Variants in GPC5 observed in about 807,000 individuals in gnomAD.
GPC5 encodes the protein glypican-5.
In GPC5, 47 loss-of-function variants were observed where a neutral mutation model predicts 53.9. The observed-to-expected ratio is 0.87, with a 90% CI of 0.69 to 1.11. The LOEUF (loss-of-function observed/expected upper bound fraction) is 1.11, where lower values mean the gene tolerates loss of function less well. Among genes scored for constraint, GPC5 ranks in the 50% most tolerant of loss-of-function variants. The pLI, the probability that GPC5 is intolerant of heterozygous loss-of-function variation, is 0.00. For synonymous variants in GPC5, 286 were observed against 263.3 expected (o/e 1.09, Z -0.84); for missense variants, 748 against 713.1 (o/e 1.05, Z -0.56).
At chr13:91,661,860 T>C (rs2034994829) in intron 2 of GPC5, among the ~76,000 whole-genome samples, 1 of 152,142 alleles carries the variant, frequency 6.6e-6, no homozygotes, top group Non-Finnish European at 1.5e-5. Flanking sequence ...TTCAGGGCCC[T>C]GTGGGACTTT....
chr13:91,557,660 A>T (rs2031033148), intron 2 of GPC5, among the ~76,000 whole-genome samples: 1 of 152,140 alleles, frequency 6.6e-6, no homozygotes, highest in Admixed American at 6.6e-5. Context: ...CATTCCCAGT[A>T]TGTCACAGAA....
chr13:92,495,048 A>C lies in GPC5; in HGVS notation c.1561+350059A>C, dbSNP rs540137148. Reference sequence around the variant, plus strand: ...AAGAGTCCACTTAGTTCTTGTTTGCAGGAAGTAAAATTTCTTGGTTATTGT... The same window carrying C: ...AAGAGTCCACTTAGTTCTTGTTTGCCGGAAGTAAAATTTCTTGGTTATTGT... On this transcript the variant is annotated intron_variant, in intron 7 of 7. Coordinates refer to ENST00000377067, the MANE Select transcript of GPC5 (RefSeq NM_004466.6). Among the ~76,000 whole-genome samples the C allele has an allele frequency of 4.6e-5, 7 of 152,278 alleles. No homozygotes were observed. The East Asian group carries it at 1.3e-3, about 29-fold the overall frequency.
chr13:92,608,084 A>G (rs1446092975), intron 7 of GPC5, among the ~76,000 whole-genome samples: 4 of 152,242 alleles, frequency 2.6e-5, no homozygotes, highest in Non-Finnish European at 5.9e-5. Context: ...TGTATATAAT[A>G]CATATAACAT....
chr13:92,052,802 C>T (rs1359234047), intron 6 of GPC5, among the ~76,000 whole-genome samples: 1 of 152,136 alleles, frequency 6.6e-6, no homozygotes, highest in Admixed American at 6.6e-5. Flanking sequence ...AAGAGATTCT[C>T]AGAGGTGAGG....
intron 5 of GPC5, among the ~76,000 whole-genome samples, chr13:91,854,336 A>G (rs2038944822): frequency 6.6e-6 from 1 of 151,808 alleles, no homozygotes; most frequent in African/African-American, 2.4e-5. Flanking sequence ...TGTAATAATC[A>G]CATCATGGAA....
rs185844859 is a variant in GPC5 at position 92,222,867 on chromosome 13, T to G, written c.1561+77878T>G. Reference sequence around the variant, plus strand: ...TTATGACAAAATTAGCATGTATTCATTCAACAAATAAATTATAATAGTTTG... The same window carrying G: ...TTATGACAAAATTAGCATGTATTCAGTCAACAAATAAATTATAATAGTTTG... On this transcript the variant is annotated intron_variant, in intron 7 of 7. Transcript: ENST00000377067. Among the ~76,000 whole-genome samples, 6 of 152,332 alleles carry G rather than the reference T, an allele frequency of 3.9e-5. No homozygotes were observed. The East Asian group carries it at 1.2e-3, about 29-fold the overall frequency.
chr13:92,336,029 G>GTATACTCAACAAAATAA (rs2043320726), intron 7 of GPC5, among the ~76,000 whole-genome samples: 1 of 152,090 alleles, frequency 6.6e-6, no homozygotes, highest in African/African-American at 2.4e-5. Flanking sequence ...AGCTAGCAGT[G>GTATACTCAACAAAATAA]GGCAATTTGG....
At chr13:91,572,268 CATGTGT>C (rs2031953292) in intron 2 of GPC5, among the ~76,000 whole-genome samples, 2 of 146,742 alleles carry the variant, frequency 1.4e-5, no homozygotes, top group African/African-American at 2.6e-5. Context: ...TATGTATATA[CATGTGT>C]ATATATGTAT....
intron 6 of GPC5, among the ~76,000 whole-genome samples, chr13:92,128,123 ATTC>A (rs933862347): frequency 1.3e-5 from 2 of 152,110 alleles, no homozygotes; most frequent in Non-Finnish European, 2.9e-5. Flanking sequence ...GCTTTTCCCT[ATTC>A]TTCGGGTTTC....
intron 1 of GPC5, among the ~76,000 whole-genome samples, chr13:91,421,651 A>G (rs1878643405): frequency 6.6e-6 from 1 of 152,210 alleles, no homozygotes; most frequent in Non-Finnish European, 1.5e-5. Flanking sequence ...GAAGAAAATA[A>G]TGAGAGAAAA....
At chr13:92,721,163 T>G (rs1490344290) in intron 7 of GPC5, among the ~76,000 whole-genome samples, 5 of 151,982 alleles carry the variant, frequency 3.3e-5, no homozygotes, top group Non-Finnish European at 7.4e-5. Context: ...TCCTTCCTGG[T>G]GCACAGGGAA....
chr13:91,417,272 C>T (rs570120034), intron 1 of GPC5, among the ~76,000 whole-genome samples: 7 of 152,104 alleles, frequency 4.6e-5, no homozygotes, highest in Admixed American at 2.0e-4. Context: ...ACATATGGGT[C>T]CAAATATCAT....
intron 7 of GPC5, among the ~76,000 whole-genome samples, chr13:92,288,386 C>G (rs1217049325): frequency 6.6e-6 from 1 of 152,132 alleles, no homozygotes; most frequent in Non-Finnish European, 1.5e-5. Flanking sequence ...TTCAGATTCT[C>G]TCTTTCCTAG....
chr13:92,583,164 G>A (rs140693855), intron 7 of GPC5, among the ~76,000 whole-genome samples: 1 of 152,130 alleles, frequency 6.6e-6, no homozygotes, highest in Non-Finnish European at 1.5e-5. Flanking sequence ...CATTCATCCT[G>A]TTCCTAGTTT....
intron 5 of GPC5, among the ~76,000 whole-genome samples, chr13:91,880,031 T>C (rs2039247267): frequency 6.6e-6 from 1 of 152,136 alleles, no homozygotes; most frequent in South Asian, 2.1e-4. Context: ...TATAACTTTA[T>C]ACATATTTCA....
chr13:92,012,426 A>T (rs1369327820), intron 6 of GPC5, among the ~76,000 whole-genome samples: 2 of 152,146 alleles, frequency 1.3e-5, no homozygotes, highest in Non-Finnish European at 2.9e-5. Context: ...TGATTTTTTT[A>T]AAAAAGAATT....
intron 6 of GPC5, among the ~76,000 whole-genome samples, chr13:92,124,822 G>T (rs576868671): frequency 1.3e-5 from 2 of 152,208 alleles, no homozygotes; most frequent in African/African-American, 4.8e-5. Flanking sequence ...CATAATAGAA[G>T]AAAGTAATAA....
intron 6 of GPC5, among the ~76,000 whole-genome samples, chr13:92,051,859 A>G (rs1389680116): frequency 6.6e-6 from 1 of 152,228 alleles, no homozygotes; most frequent in African/African-American, 2.4e-5. Context: ...AGATGTGGAA[A>G]GAGAACATTG....
chr13:91,562,188 T>TAA (rs10603242), intron 2 of GPC5, among the ~76,000 whole-genome samples: 17 of 45,058 alleles, frequency 3.8e-4, no homozygotes, highest in African/African-American at 7.6e-4. Flanking sequence ...GGAGCAACAG[T>TAA]AAAAAAAAAA....
Sources: gnomAD v4.1 joint callset for allele counts (sites outside exome capture counted in the v4.1 genomes callset) on GRCh38, gnomAD v4.1.1 for gene constraint, MANE v1.5 for transcripts, NCBI Gene and HGNC (gene_info 2026-07-23, HGNC 2026-07-21) for gene names.